Variants in SLC13A3 observed in about 807,000 individuals in gnomAD.
SLC13A3 encodes solute carrier family 13 member 3.
Under a neutral mutation model 59.0 loss-of-function variants are expected in SLC13A3, and 40 were observed. The ratio of observed to expected loss-of-function variants is 0.68; its 90% CI spans 0.53 to 0.88. The LOEUF is 0.88. SLC13A3 is among the 40% of genes least tolerant of loss of function. The pLI, the probability that SLC13A3 is intolerant of heterozygous loss-of-function variation, is 0.00. For synonymous variants in SLC13A3, 317 were observed against 330.3 expected (o/e 0.96, Z 0.44); for missense variants, 699 against 783.2 (o/e 0.89, Z 1.28).
chr20:46,630,912 C>T (rs754359629), intron 1 of SLC13A3, among the ~76,000 whole-genome samples: 5 of 152,188 alleles, frequency 3.3e-5, no homozygotes, highest in Admixed American at 1.3e-4. Flanking sequence ...TATGATCATA[C>T]CATCTCCCTT....
At chr20:46,578,132 G>A (rs556230289) in intron 9 of SLC13A3, among the ~76,000 whole-genome samples, 113 of 151,580 alleles carry the variant, frequency 7.5e-4, no homozygotes, top group African/African-American at 2.6e-3. Flanking sequence ...GGGTTTCACC[G>A]TGTTCTCCAG....
chr20:46,585,839 T>C (rs2062185696), intron 8 of SLC13A3: 2 of 1,224,694 alleles, frequency 1.6e-6, no homozygotes, highest in Admixed American at 3.2e-5. Flanking sequence ...GTTTCTTGCT[T>C]ATAACAACCT....
chr20:46,566,433 A>G, intron 10 of SLC13A3, 43 bp from the exon 11 acceptor site: 9 of 1,584,430 alleles, frequency 5.7e-6, no homozygotes, highest in Non-Finnish European at 7.7e-6. Context: ...GCCCATCCCC[A>G]GCTGCCGCCC....
intron 1 of SLC13A3, among the ~76,000 whole-genome samples, chr20:46,656,538 A>G (rs914774100): frequency 1.0e-4 from 15 of 145,590 alleles, no homozygotes; most frequent in African/African-American, 3.7e-4. Context: ...TATACTATAC[A>G]GTACATATAT....
intron 8 of SLC13A3, 85 bp downstream of exon 8, chr20:46,587,974 C>T: frequency 3.1e-6 from 2 of 655,324 alleles, no homozygotes; most frequent in Non-Finnish European, 2.6e-6. Context: ...GTCTCCCCAG[C>T]TGCACTGCCG....
intron 10 of SLC13A3, among the ~76,000 whole-genome samples, chr20:46,568,174 G>A (rs2061996529): frequency 1.3e-5 from 2 of 151,888 alleles, no homozygotes; most frequent in South Asian, 2.1e-4. Flanking sequence ...TGGGCAGGTC[G>A]CTTGAGGTCA....
intron 11 of SLC13A3, among the ~76,000 whole-genome samples, chr20:46,563,908 ACCTAGAACACT>A (rs1259719748): frequency 6.6e-6 from 1 of 152,144 alleles, no homozygotes; most frequent in African/African-American, 2.4e-5. Context: ...GGGGTGGTGT[ACCTAGAACACT>A]CCTTCTCCAA....
At chr20:46,642,683 A>T (rs929498699) in intron 1 of SLC13A3, among the ~76,000 whole-genome samples, 2 of 152,176 alleles carry the variant, frequency 1.3e-5, no homozygotes, top group Non-Finnish European at 2.9e-5. Context: ...AGCCAACCAG[A>T]GACAAGAAGC....
chr20:46,672,605 C>T (rs1343205376), upstream of SLC13A3, among the ~76,000 whole-genome samples: 1 of 152,168 alleles, frequency 6.6e-6, no homozygotes, highest in African/African-American at 2.4e-5. Context: ...AGGGCCTATT[C>T]CCCCTCCTGA....
chr20:46,654,735 T>C (rs1451428030), upstream of SLC13A3, among the ~76,000 whole-genome samples: 1 of 152,180 alleles, frequency 6.6e-6, no homozygotes, highest in African/African-American at 2.4e-5. Context: ...TACACCATGT[T>C]GGCCAGGCTG....
At chr20:46,634,142 C>T (rs1026759845) in intron 1 of SLC13A3, among the ~76,000 whole-genome samples, 4 of 152,188 alleles carry the variant, frequency 2.6e-5, no homozygotes, top group African/African-American at 4.8e-5. Context: ...ATTGTGTCTT[C>T]AGCTCTTCCC....
intron 8 of SLC13A3, chr20:46,585,664 A>G: frequency 7.8e-7 from 1 of 1,289,266 alleles, no homozygotes; most frequent in South Asian, 1.3e-5. Context: ...GGAAAGATGT[A>G]TATCAGAATT....
intron 9 of SLC13A3, among the ~76,000 whole-genome samples, chr20:46,576,311 C>G (rs1296976533): frequency 6.6e-6 from 1 of 152,152 alleles, no homozygotes; most frequent in Non-Finnish European, 1.5e-5. Context: ...AAATAAAACT[C>G]TATTTACAAA....
chr20:46,592,504 TCAC>T lies in SLC13A3; in HGVS notation c.817_819del (p.Val273del), dbSNP rs1281293136. 5.0e-6 allele frequency: 8 copies of T among 1,613,590 alleles called. No homozygotes were observed. The African/African-American group carries it at 5.3e-5, about 11-fold the overall frequency. ...GCGAAAATGAACCAGGAGCCGAAAT[TCAC>T]CACGTCACACTGCGGAAAGAAACTG... On this transcript the variant is annotated inframe_deletion, in exon 6 of 13. Transcript: ENST00000279027.
Position 46,572,335 on chromosome 20 carries a change from G to A in SLC13A3, c.1332+3238C>T, listed in dbSNP as rs79794892. On this transcript the variant is annotated intron_variant, in intron 10 of 12. Coordinates refer to ENST00000279027, the MANE Select transcript of SLC13A3 (RefSeq NM_022829.6). ...CGGCTGCCTGGGGAGAGGATGGTAC[G>A]GCAGAGGCTGGGGAAAGGAACAGCT... Among the ~76,000 whole-genome samples, 251 of 152,252 alleles carry A rather than the reference G, an allele frequency of 1.6e-3. 1 individual carries two copies. The East Asian group carries it at 0.044, about 27-fold the overall frequency.
rs1028801487 is a variant in SLC13A3 at position 46,589,189 on chromosome 20, C to T, written c.987G>A (p.Arg329=). 1.9e-6 allele frequency: 3 copies of T among 1,614,104 alleles called. No homozygotes were observed. The highest frequency in any genetic ancestry group is 1.3e-5 in the African/African-American group (1 of 74,934). Residue 329 remains arginine (R), a synonymous_variant, in exon 7 of 13, where the codon CGG becomes CGA. Coordinates refer to ENST00000279027, the MANE Select transcript of SLC13A3 (RefSeq NM_022829.6). ...TGGGCCCCAGGTTCTGGTATTCTTC[C>T]CGAATTACAGCTCGAGCCCTATCTT... ...NAEDRARAVI[R]EEYQNLGPIK...
intron 1 of SLC13A3, among the ~76,000 whole-genome samples, chr20:46,664,295 C>T (rs1471684564): frequency 4.6e-5 from 7 of 152,160 alleles, no homozygotes; most frequent in Non-Finnish European, 8.8e-5. Flanking sequence ...TATCACATCA[C>T]GTCTAAAGGC....
chr20:46,580,775 A>G (rs1338597237), intron 9 of SLC13A3, among the ~76,000 whole-genome samples: 2 of 152,094 alleles, frequency 1.3e-5, no homozygotes, highest in Non-Finnish European at 2.9e-5. Context: ...ACCAGACCAA[A>G]TTGAGGACCA....
At chr20:46,633,569 C>T (rs2062765003) in intron 1 of SLC13A3, among the ~76,000 whole-genome samples, 2 of 131,498 alleles carry the variant, frequency 1.5e-5, no homozygotes, top group African/African-American at 5.1e-5. Context: ...TCTCCCCCAG[C>T]CTCTGGGGCA....
Sources: allele counts gnomAD v4.1 joint callset (sites outside exome capture counted in the v4.1 genomes callset), GRCh38; gene constraint gnomAD v4.1.1; transcripts MANE v1.5; gene names NCBI Gene and HGNC (gene_info 2026-07-23, HGNC 2026-07-21).